Variants in NRG3 observed in about 807,000 individuals in gnomAD.
The protein encoded by NRG3 is pro-neuregulin-3, membrane-bound isoform.
In NRG3, 31 loss-of-function variants were observed where a neutral mutation model predicts 66.9. The observed-to-expected ratio is 0.46, with a 90% CI of 0.35 to 0.63. The LOEUF is 0.63. Ranked by LOEUF, NRG3 falls within the 20% of genes least tolerant of loss-of-function variation. NRG3 has a pLI of 0.00. For synonymous variants in NRG3, 393 were observed against 359.4 expected (o/e 1.09, Z -1.06); for missense variants, 910 against 878.9 (o/e 1.04, Z -0.45).
At chr10:82,523,200 G>A (rs756174959) in intron 2 of NRG3, among the ~76,000 whole-genome samples, 3 of 152,138 alleles carry the variant, frequency 2.0e-5, no homozygotes, top group South Asian at 2.1e-4. Flanking sequence ...TGGCTATTAT[G>A]AATAATGCTG....
chr10:82,843,273 C>A (rs2063150168), intron 3 of NRG3: 1 of 453,558 alleles, frequency 2.2e-6, no homozygotes, highest in African/African-American at 2.0e-5. Context: ...GGGTTACACC[C>A]ACCTTATGGG....
At chr10:82,629,343 G>C (rs1287664337) in intron 2 of NRG3, among the ~76,000 whole-genome samples, 1 of 152,098 alleles carries the variant, frequency 6.6e-6, no homozygotes, top group South Asian at 2.1e-4. Flanking sequence ...GAAGGTTGAA[G>C]TACAAAAAAA....
rs145231939 is a variant in NRG3 at position 82,826,483 on chromosome 10, G to A, written c.1028-38928G>A. ...TTTTCATCAAGTGTGACAACACCTG[G>A]GTGTTAGGAAACACACATAATCAAC... On this transcript the variant is annotated intron_variant, in intron 3 of 8. Transcript: ENST00000372141. Among the ~76,000 whole-genome samples the A allele has an allele frequency of 1.1e-3, 172 of 152,172 alleles. 2 individuals carry two copies. Among genetic ancestry groups the A allele is most frequent in the Middle Eastern group, 6.8e-3 (2 of 294 alleles).
chr10:82,027,417 T>G (rs1453708501), intron 1 of NRG3, among the ~76,000 whole-genome samples: 1 of 152,088 alleles, frequency 6.6e-6, no homozygotes, highest in African/African-American at 2.4e-5. Context: ...CTGAGTTTTT[T>G]TCTTCTCCAG....
At chr10:82,465,268 G>A (rs906305472) in intron 2 of NRG3, among the ~76,000 whole-genome samples, 4 of 152,196 alleles carry the variant, frequency 2.6e-5, no homozygotes, top group African/African-American at 9.7e-5. Flanking sequence ...GACTAATCTG[G>A]TGTCAAATTA....
intron 3 of NRG3, among the ~76,000 whole-genome samples, chr10:82,749,195 G>A (rs954029265): frequency 1.3e-5 from 2 of 152,070 alleles, no homozygotes; most frequent in Non-Finnish European, 2.9e-5. Context: ...CCACCTTGCT[G>A]AGACATGCCC....
intron 1 of NRG3, among the ~76,000 whole-genome samples, chr10:82,174,126 G>T (rs935673335): frequency 6.6e-6 from 1 of 152,018 alleles, no homozygotes; most frequent in Non-Finnish European, 1.5e-5. Context: ...CTGGGTAGAA[G>T]AACTGCTTCT....
chr10:81,882,666 A>T (rs1710516897), intron 1 of NRG3, among the ~76,000 whole-genome samples: 1 of 152,278 alleles, frequency 6.6e-6, no homozygotes, highest in East Asian at 1.9e-4. Flanking sequence ...AAGTAGATAG[A>T]CTGGTTATTT....
At chr10:82,083,145 A>C (rs1384477254) in intron 1 of NRG3, among the ~76,000 whole-genome samples, 1 of 151,952 alleles carries the variant, frequency 6.6e-6, no homozygotes, top group Non-Finnish European at 1.5e-5. Context: ...CACATGACTT[A>C]AGGCTATTTT....
Position 82,041,185 on chromosome 10 carries a change from G to C in NRG3, c.823+165022G>C, listed in dbSNP as rs191211238. 1.1e-4 allele frequency among the ~76,000 whole-genome samples: 16 copies of C among 152,138 alleles called. No homozygotes were observed. The East Asian group carries it at 2.7e-3, about 26-fold the overall frequency. ...CTGTGGCTGTTAGAATCTGGGAATT[G>C]ACATTGTTTCTTTTTTTGTAAGGAG... is the stretch of plus-strand genomic sequence containing the variant. On this transcript the variant is annotated intron_variant, in intron 1 of 8. Transcript: ENST00000372141.
chr10:82,749,609 G>A (rs2058780201), intron 3 of NRG3, among the ~76,000 whole-genome samples: 1 of 152,126 alleles, frequency 6.6e-6, no homozygotes, highest in African/African-American at 2.4e-5. Context: ...TCACTTATAT[G>A]TGAGGATGGT....
intron 3 of NRG3, among the ~76,000 whole-genome samples, chr10:82,852,572 G>T (rs1229493670): frequency 1.3e-5 from 2 of 152,030 alleles, no homozygotes; most frequent in Non-Finnish European, 2.9e-5. Context: ...TCACTAGCAA[G>T]GATGCTATGA....
chr10:82,364,155 G>A (rs969933499), intron 2 of NRG3, among the ~76,000 whole-genome samples: 10 of 152,066 alleles, frequency 6.6e-5, no homozygotes, highest in African/African-American at 2.2e-4. Flanking sequence ...AATATAGATA[G>A]TGTCCTTGTC....
chr10:82,673,937 G>A (rs1402308461), intron 2 of NRG3, among the ~76,000 whole-genome samples: 1 of 152,254 alleles, frequency 6.6e-6, no homozygotes, highest in African/African-American at 2.4e-5. Context: ...GTTCAAGACT[G>A]AACCTTGGAA....
At chr10:82,460,622 C>T (rs1338942785) in intron 2 of NRG3, among the ~76,000 whole-genome samples, 3 of 152,190 alleles carry the variant, frequency 2.0e-5, no homozygotes, top group Non-Finnish European at 1.5e-5. Flanking sequence ...GGCTTTCTGG[C>T]TTCTCTTCTT....
At chr10:82,838,956 GA>G (rs2062915740) in intron 3 of NRG3, among the ~76,000 whole-genome samples, 1 of 152,204 alleles carries the variant, frequency 6.6e-6, no homozygotes, top group Non-Finnish European at 1.5e-5. Flanking sequence ...AAAACCAAGC[GA>G]AAAGGGTTTC....
chr10:82,847,934 A>G (rs1473680620), intron 3 of NRG3, among the ~76,000 whole-genome samples: 1 of 152,220 alleles, frequency 6.6e-6, no homozygotes, highest in African/African-American at 2.4e-5. Context: ...CTAACTTTAA[A>G]TAAGTAATTA....
At chr10:82,485,796 C>CA (rs57961729) in intron 2 of NRG3, among the ~76,000 whole-genome samples, 12 of 150,982 alleles carry the variant, frequency 7.9e-5, no homozygotes, top group African/African-American at 1.5e-4. Flanking sequence ...GCAGCAAAAG[C>CA]AAAAAAAAAT....
intron 4 of NRG3, among the ~76,000 whole-genome samples, chr10:82,928,457 T>C (rs1847229822): frequency 6.6e-6 from 1 of 152,118 alleles, no homozygotes; most frequent in East Asian, 1.9e-4. Flanking sequence ...TCTTCTAGGG[T>C]TTTTATAGTT....
Sources: allele counts gnomAD v4.1 joint callset (sites outside exome capture counted in the v4.1 genomes callset), GRCh38; gene constraint gnomAD v4.1.1; transcripts MANE v1.5; gene names NCBI Gene and HGNC (gene_info 2026-07-23, HGNC 2026-07-21).